VCAN: variants seen among roughly 807,000 people sequenced by gnomAD.
VCAN encodes the protein versican core protein.
Under a neutral mutation model 245.5 loss-of-function variants are expected in VCAN, and 44 were observed. The ratio of observed to expected loss-of-function variants is 0.18; its 90% CI spans 0.14 to 0.23. The LOEUF is 0.23. Ranked by LOEUF, VCAN falls within the 10% of genes least tolerant of loss-of-function variation. The pLI is 1.00. For synonymous variants in VCAN, 1,413 were observed against 1,437.0 expected, an observed-to-expected ratio of 0.98 and a Z score of 0.38; for missense variants, 3,793 against 4,057.9, an observed-to-expected ratio of 0.93 and a Z score of 1.77.
chr5:83,509,599 T>A (rs1745591495), intron 5 of VCAN, among the ~76,000 whole-genome samples: 1 of 152,246 alleles, frequency 6.6e-6, no homozygotes, highest in African/African-American at 2.4e-5. Flanking sequence ...AGAGGAATGG[T>A]AGTTTCGCCT....
Position 83,472,003 on chromosome 5 carries a change from T to C in VCAN, c.-27T>C, listed in dbSNP as rs1417106752. 2.6e-6 allele frequency: 1 copy of C among 378,212 alleles called. No individual in the cohort carries two copies. The highest frequency in any genetic ancestry group is 2.1e-5 in the African/African-American group (1 of 48,092). The allele number at this position is 378,212 out of a possible 1,614,324, so 23.4% of individuals were successfully genotyped here. ...GCTGCAGTGAATTTTCCCCCCAAAC[T>C]GCAATAAGCCGCCTTCCAAGGTAAT... On this transcript the variant is annotated 5_prime_UTR_variant, in exon 1 of 15. Coordinates refer to ENST00000265077, the MANE Select transcript of VCAN (RefSeq NM_004385.5).
chr5:83,568,177 C>T (rs1696399453), intron 12 of VCAN, among the ~76,000 whole-genome samples: 1 of 151,910 alleles, frequency 6.6e-6, no homozygotes, highest in Non-Finnish European at 1.5e-5. Flanking sequence ...TTAAATAAGG[C>T]TGTAAAGAAT....
chr5:83,564,449 T>C (rs1747998146), intron 12 of VCAN, among the ~76,000 whole-genome samples: 1 of 152,192 alleles, frequency 6.6e-6, no homozygotes, highest in Admixed American at 6.5e-5. Context: ...ATAAATTGCA[T>C]GATACTGTGA....
intron 12 of VCAN, among the ~76,000 whole-genome samples, chr5:83,557,312 T>A (rs1479894479): frequency 6.6e-6 from 1 of 152,194 alleles, no homozygotes; most frequent in East Asian, 1.9e-4. Flanking sequence ...TAGATGTTTA[T>A]TCTGGTCTCT....
rs1746812548 is a variant in VCAN at position 83,538,337 on chromosome 5, A to T, written c.5334A>T (p.Thr1778=). The change falls in exon 8 of 15, where the codon ACA becomes ACT. Residue 1778 remains threonine, a synonymous_variant. Coordinates refer to ENST00000265077, the MANE Select transcript of VCAN (RefSeq NM_004385.5). The part of the protein sequence containing the change: ...GTRKSFMSLT[T]PTQSEREMTD... The stretch of plus-strand genomic sequence containing the variant: ...GGAAAAGTTTTATGTCCTTGACAAC[A>T]CCAACACAGTCTGAAAGGGAAATGA... The T allele has an allele frequency of 3.1e-6, 5 of 1,613,948 alleles. No individual in the cohort carries two copies. The highest frequency in any genetic ancestry group is 3.4e-6 in the Non-Finnish European group (4 of 1,179,982).
Position 83,541,509 on chromosome 5 carries a change from G to A in VCAN, c.8506G>A (p.Glu2836Lys). Residue 2836 changes from glutamate (E) to lysine (K), a missense_variant, in exon 8 of 15, where the codon GAA becomes AAA. By Grantham distance (56) the Glu-to-Lys change is moderately conservative (BLOSUM62 1). Coordinates refer to ENST00000265077, the MANE Select transcript of VCAN (RefSeq NM_004385.5). ...SSPLTIYSGS[E>K]ASGHTEIPQP... ...TCCCCTCACTATCTACTCAGGCAGT[G>A]AAGCCTCTGGACACACAGAGATCCC... 6.2e-7 allele frequency: 1 copy of A among 1,613,956 alleles called. No individual in the cohort carries two copies. Among genetic ancestry groups the A allele is most frequent in the Admixed American group, 1.7e-5 (1 of 60,000 alleles).
chr5:83,542,289 A>C, intron 8 of VCAN, 21 bp downstream of exon 8: 1 of 1,607,570 alleles, frequency 6.2e-7, no homozygotes, highest in South Asian at 1.1e-5. Context: ...AACATTGATA[A>C]ATCTGTTTCC....
At position 83,471,784 on chromosome 5, in the gene VCAN, G is replaced by C. The variant is rs1744194646; in HGVS notation, c.-246G>C. 1.5e-5 allele frequency: 6 copies of C among 398,844 alleles called. No individual in the cohort carries two copies. In the East Asian group the frequency reaches 2.1e-4, roughly 14 times the overall value. 24.7% of individuals were successfully genotyped at this position (398,844 alleles called of 1,614,324 possible). On this transcript the variant is annotated 5_prime_UTR_variant, in exon 1 of 15. Coordinates refer to ENST00000265077, the MANE Select transcript of VCAN (RefSeq NM_004385.5). ...GGCGAGCTGCCCCGAGCCTTTCTGG[G>C]GAAGAACTCCAGGCGTGCGGACGCA...
rs1746842436 is a variant in VCAN at position 83,538,921 on chromosome 5, C to T, written c.5918C>T (p.Thr1973Ile). Reference protein sequence around the residue: ...AFRDTQTSPSTVPTSVHISHI... With the variant: ...AFRDTQTSPSIVPTSVHISHI... ...AGGGACACCCAGACTTCACCATCTA[C>T]AGTACCTACTTCAGTTCACATCAGT... Residue 1973 changes from threonine (T) to isoleucine (I), a missense_variant, in exon 8 of 15, where the codon ACA (threonine) becomes ATA (isoleucine). Coordinates refer to ENST00000265077, the MANE Select transcript of VCAN (RefSeq NM_004385.5). 1.2e-6 allele frequency: 2 copies of T among 1,614,018 alleles called. No homozygotes were observed. Among genetic ancestry groups the T allele is most frequent in the South Asian group, 1.1e-5 (1 of 91,088 alleles).
chr5:83,550,935 G>GT lies in VCAN; in HGVS notation c.9494-2415dup, dbSNP rs371547453. Among the ~76,000 whole-genome samples the GT allele has an allele frequency of 2.7e-3, 322 of 121,480 alleles. 2 individuals are homozygous for GT. The highest frequency in any genetic ancestry group is 4.5e-3 in the Admixed American group (51 of 11,442). 79.7% of individuals were successfully genotyped at this position (121,480 alleles called of 152,430 possible). A position where few individuals can be genotyped will look rare whatever the true frequency, so the allele number is the denominator to read the frequency against. ...TGAATCAATGTGGATAGTTGGCTTT[G>GT]TTTTTTTTTTTTTTACACAAAAACC... On this transcript the variant is annotated intron_variant, in intron 10 of 14. Coordinates refer to ENST00000265077, the MANE Select transcript of VCAN (RefSeq NM_004385.5).
chr5:83,571,324 G>C (rs1748281737), intron 12 of VCAN, among the ~76,000 whole-genome samples: 1 of 152,068 alleles, frequency 6.6e-6, no homozygotes, highest in South Asian at 2.1e-4. Context: ...AATTATTGTT[G>C]CCAGGAAGGC....
intron 1 of VCAN, among the ~76,000 whole-genome samples, chr5:83,479,348 C>T (rs956179076): frequency 2.0e-5 from 3 of 152,132 alleles, no homozygotes; most frequent in Non-Finnish European, 2.9e-5. Flanking sequence ...GGCTTTCTCT[C>T]GGAGGCTGCC....
intron 6 of VCAN, among the ~76,000 whole-genome samples, chr5:83,518,390 G>C (rs2112404027): frequency 6.6e-6 from 1 of 152,244 alleles, no homozygotes; most frequent in East Asian, 1.9e-4. Context: ...CCATTATAAT[G>C]CAGCATTTTA....
chr5:83,478,561 G>A (rs1469640440), intron 1 of VCAN, among the ~76,000 whole-genome samples: 2 of 152,008 alleles, frequency 1.3e-5, no homozygotes, highest in Admixed American at 6.6e-5. Context: ...CTCATCATAG[G>A]GAACCATTTA....
rs778758184 is a variant in VCAN, at chr5:83,539,794, C to T, written c.6791C>T (p.Pro2264Leu). 1.4e-5 allele frequency: 22 copies of T among 1,613,836 alleles called. No individual in the cohort carries two copies. Among genetic ancestry groups the T allele is most frequent in the African/African-American group, 2.7e-5 (2 of 74,910 alleles). ...SGLGSGEEVL[P>L]TLPTESVNFT... is the part of the protein sequence containing the mutation. ...CTGGGATCAGGAGAAGAAGTTTTAC[C>T]TACTCTACCAACAGAGTCAGTGAAT... Residue 2264 changes from proline (P) to leucine (L), a missense_variant, in exon 8 of 15, where the codon CCT (proline) becomes CTT (leucine). Pro to Leu is a moderately conservative substitution (Grantham distance 98). Transcript: ENST00000265077.
At chr5:83,482,573 A>G (rs1233855076) in intron 1 of VCAN, among the ~76,000 whole-genome samples, 2 of 152,216 alleles carry the variant, frequency 1.3e-5, no homozygotes, top group African/African-American at 4.8e-5. Context: ...AATGCTACCG[A>G]GGAGGGCACA....
chr5:83,553,258 G>T, intron 10 of VCAN, 106 bp from the exon 11 acceptor site: 1 of 1,436,228 alleles, frequency 7.0e-7, no homozygotes, highest in Non-Finnish European at 9.7e-7. Flanking sequence ...TTACTTCAGG[G>T]ACATTGCACA....
intron 3 of VCAN, among the ~76,000 whole-genome samples, chr5:83,491,100 A>T (rs1042518464): frequency 3.9e-5 from 6 of 152,190 alleles, no homozygotes; most frequent in Admixed American, 2.0e-4. Context: ...CCTAGTTGTT[A>T]TCCGTTAAGT....
intron 10 of VCAN, among the ~76,000 whole-genome samples, chr5:83,550,906 A>G (rs1747435812): frequency 6.8e-6 from 1 of 147,482 alleles, no homozygotes; most frequent in South Asian, 2.1e-4. Flanking sequence ...AAAAAAAAAA[A>G]AAGTGAATCA....
Sources: allele counts gnomAD v4.1 joint callset (sites outside exome capture counted in the v4.1 genomes callset), GRCh38; gene constraint gnomAD v4.1.1; transcripts MANE v1.5; gene names NCBI Gene and HGNC (gene_info 2026-07-23, HGNC 2026-07-21).